Variants in SEMA3A observed in about 807,000 individuals in gnomAD.
The protein encoded by SEMA3A is semaphorin-3A.
Under a neutral mutation model 97.9 loss-of-function variants are expected in SEMA3A, and 29 were observed. That is an observed-to-expected ratio of 0.30 (90% CI 0.22 to 0.40). The LOEUF (loss-of-function observed/expected upper bound fraction) is 0.40. SEMA3A is among the 10% of genes least tolerant of loss of function. The pLI is 1.00. For synonymous variants in SEMA3A, 321 were observed against 323.7 expected (o/e 0.99, Z 0.09); for missense variants, 763 against 951.3 (o/e 0.80, Z 2.60).
chr7:84,320,765 A>C (rs1186618296), intron 2 of SEMA3A, among the ~76,000 whole-genome samples: 2 of 152,130 alleles, frequency 1.3e-5, no homozygotes, highest in African/African-American at 4.8e-5. Context: ...GTAGTGAGAG[A>C]GCAGGAGATT....
At chr7:84,108,116 T>C (rs1339246610) in intron 4 of SEMA3A, among the ~76,000 whole-genome samples, 1 of 152,196 alleles carries the variant, frequency 6.6e-6, no homozygotes, top group Non-Finnish European at 1.5e-5. Context: ...AATTGACTTT[T>C]TTCAGCCACC....
At chr7:84,285,456 A>C (rs1269020207) in intron 3 of SEMA3A, among the ~76,000 whole-genome samples, 2 of 152,092 alleles carry the variant, frequency 1.3e-5, no homozygotes, top group African/African-American at 4.8e-5. Flanking sequence ...GGAATTAATA[A>C]ATCTCTATTT....
At chr7:84,153,276 G>C (rs906021909) in intron 1 of SEMA3A, among the ~76,000 whole-genome samples, 1 of 152,176 alleles carries the variant, frequency 6.6e-6, no homozygotes, top group Non-Finnish European at 1.5e-5. Context: ...GAAATTAAAA[G>C]AGGGTCTATC....
intron 1 of SEMA3A, among the ~76,000 whole-genome samples, chr7:84,409,219 C>T (rs1274696356): frequency 6.6e-6 from 1 of 151,478 alleles, no homozygotes; most frequent in Non-Finnish European, 1.5e-5. Context: ...ACAAATGATA[C>T]ATCTTTGAGG....
At chr7:84,363,085 G>GC (rs1802765026) in intron 2 of SEMA3A, among the ~76,000 whole-genome samples, 1 of 151,954 alleles carries the variant, frequency 6.6e-6, no homozygotes, top group African/African-American at 2.4e-5. Flanking sequence ...AGAAGCTAAA[G>GC]TAGCAAGGGA....
At chr7:84,293,462 T>G (rs541601806) in intron 3 of SEMA3A, among the ~76,000 whole-genome samples, 26 of 152,148 alleles carry the variant, frequency 1.7e-4, no homozygotes, top group African/African-American at 6.3e-4. Flanking sequence ...GACAATATTA[T>G]CTACTCCAAC....
chr7:84,304,911 C>T (rs1801114998), intron 3 of SEMA3A, among the ~76,000 whole-genome samples: 1 of 151,710 alleles, frequency 6.6e-6, no homozygotes, highest in African/African-American at 2.4e-5. Context: ...ATTTACTTTC[C>T]ACTTTTTAAA....
At position 84,007,354 on chromosome 7, in the gene SEMA3A, G is replaced by A. The variant is rs765343644; in HGVS notation, c.1139C>T (p.Thr380Ile). 3.1e-6 allele frequency: 5 copies of A among 1,597,666 alleles called. No individual in the cohort carries two copies. Among genetic ancestry groups the A allele is most frequent in the Admixed American group, 3.5e-5 (2 of 57,292 alleles). Reference protein sequence around the residue: ...QGRVPYPRPGTCPSKTFGGFD... With the variant: ...QGRVPYPRPGICPSKTFGGFD... ...ATTTTAAACACCTAAGCTACTTACA[G>A]TTCCTGGCCGTGGATAGGGGACTCT... Residue 380 changes from threonine to isoleucine, a missense_variant and splice_region_variant, in exon 10 of 17, where the codon ACT becomes ATT. Coordinates refer to ENST00000265362, the MANE Select transcript of SEMA3A (RefSeq NM_006080.3).
chr7:84,316,130 CAAAAAAAAAAAAAAAA>C (rs202005657), intron 2 of SEMA3A, among the ~76,000 whole-genome samples: 7 of 30,226 alleles, frequency 2.3e-4, no homozygotes, highest in East Asian at 5.2e-4. Flanking sequence ...GACTCTATCT[CAAAAAAAAAAAAAAAA>C]AAAAAAAAAA....
At position 84,154,940 on chromosome 7, in the gene SEMA3A, A is replaced by T. The variant is rs181504005; in HGVS notation, c.113-19989T>A. Among the ~76,000 whole-genome samples, 14 of 152,134 alleles carry T rather than the reference A, an allele frequency of 9.2e-5. 1 individual carries two copies. In the South Asian group the frequency reaches 1.9e-3, roughly 20 times the overall value. On this transcript the variant is annotated intron_variant, in intron 1 of 16. Coordinates refer to ENST00000265362, the MANE Select transcript of SEMA3A (RefSeq NM_006080.3). ...ATATTTTTGGTCAAGCCTTTCTGTTATTGGTTTATTTCGAGGCCAATTATA... is the reference window on the plus strand; with the variant it reads ...ATATTTTTGGTCAAGCCTTTCTGTTTTTGGTTTATTTCGAGGCCAATTATA...
At chr7:84,425,086 ATATTTT>A (rs1804759179) in intron 1 of SEMA3A, among the ~76,000 whole-genome samples, 1 of 107,460 alleles carries the variant, frequency 9.3e-6, no homozygotes, top group South Asian at 2.9e-4. Flanking sequence ...ATTTATATTT[ATATTTT>A]TATATAAATA....
chr7:84,280,901 T>G (rs1800425443), intron 3 of SEMA3A, among the ~76,000 whole-genome samples: 1 of 152,198 alleles, frequency 6.6e-6, no homozygotes, highest in South Asian at 2.1e-4. Context: ...TTGAATTTAG[T>G]TGTATTTATT....
At chr7:84,067,554 T>A (rs926892514) in intron 4 of SEMA3A, among the ~76,000 whole-genome samples, 19 of 151,866 alleles carry the variant, frequency 1.3e-4, no homozygotes, top group Admixed American at 3.9e-4. Context: ...AGAATCTACA[T>A]TGAACTCAAA....
At chr7:84,194,007 T>C (rs924858754) in intron 1 of SEMA3A, among the ~76,000 whole-genome samples, 5 of 152,154 alleles carry the variant, frequency 3.3e-5, no homozygotes, top group African/African-American at 9.6e-5. Context: ...CATCTGATTG[T>C]CAGATTTGAA....
Position 84,046,334 on chromosome 7 carries a change from C to T in SEMA3A, c.657G>A (p.Arg219=), listed in dbSNP as rs1187481801. The part of the protein sequence containing the change: ...HPIRTEQHDS[R]WLNDPKFISA... ...TCATAAACCACCTACCATTGAGCCA[C>T]CTGGAATCATGCTGCTCTGTCCTGA... The change falls in exon 6 of 17, where the codon AGG becomes AGA. Residue 219 remains arginine, a synonymous_variant. Transcript: ENST00000265362. The T allele has an allele frequency of 6.2e-7, 1 of 1,612,970 alleles. No individual in the cohort carries two copies. Among genetic ancestry groups the T allele is most frequent in the Non-Finnish European group, 8.5e-7 (1 of 1,179,280 alleles).
At chr7:83,987,204 A>G (rs527774183) in intron 12 of SEMA3A, among the ~76,000 whole-genome samples, 7 of 151,880 alleles carry the variant, frequency 4.6e-5, no homozygotes, top group African/African-American at 1.7e-4. Flanking sequence ...CTGAGATAAA[A>G]TCTTGTTTGC....
intron 1 of SEMA3A, among the ~76,000 whole-genome samples, chr7:84,179,177 A>G (rs1423747737): frequency 6.6e-6 from 1 of 152,154 alleles, no homozygotes; most frequent in Non-Finnish European, 1.5e-5. Flanking sequence ...GTACTTACCT[A>G]TACATATCCC....
At chr7:84,206,513 AG>A (rs946602922) in intron 3 of SEMA3A, among the ~76,000 whole-genome samples, 1 of 152,128 alleles carries the variant, frequency 6.6e-6, no homozygotes, top group East Asian at 1.9e-4. Context: ...TAGTAGAGAC[AG>A]GGTTTCAACA....
At chr7:84,346,175 C>T (rs899464339) in intron 2 of SEMA3A, among the ~76,000 whole-genome samples, 3 of 152,226 alleles carry the variant, frequency 2.0e-5, no homozygotes, top group African/African-American at 7.2e-5. Context: ...CCTCATCTCT[C>T]TCAGCCTTTA....
Sources: gnomAD v4.1 joint callset for allele counts (sites outside exome capture counted in the v4.1 genomes callset) on GRCh38, gnomAD v4.1.1 for gene constraint, MANE v1.5 for transcripts, NCBI Gene and HGNC (gene_info 2026-07-23, HGNC 2026-07-21) for gene names.